The following EPHB2 variants were observed in gnomAD, a reference collection of about 807,000 sequenced individuals.
The protein encoded by EPHB2 is ephrin type-B receptor 2.
A neutral mutation model predicts 96.4 loss-of-function variants in EPHB2; 18 were observed. The ratio of observed to expected loss-of-function variants is 0.19; its 90% CI spans 0.13 to 0.28. The LOEUF is 0.28. Ranked by LOEUF, EPHB2 falls within the 10% of genes least tolerant of loss-of-function variation. The pLI is 1.00. For missense variants in EPHB2, 989 were observed against 1,355.4 expected, an observed-to-expected ratio of 0.73 and a Z score of 4.25; for synonymous variants, 506 against 534.1, an observed-to-expected ratio of 0.95 and a Z score of 0.72.
chr1:22,754,825 TGAGGGGCAGGGGAGGG>T (rs1644118914), intron 1 of EPHB2, among the ~76,000 whole-genome samples: 2 of 104,076 alleles, frequency 1.9e-5, no homozygotes, highest in East Asian at 3.0e-4. Flanking sequence ...GGAAGGGAGG[TGAGGGGCAGGGGAGGG>T]GAGGTGAGGG....
rs1338943807 is a variant in EPHB2 at position 22,915,218 on chromosome 1, C to T, written c.*1648C>T. 1 of 152,214 alleles carries T rather than the reference C, an allele frequency of 6.6e-6. No individual in the cohort carries two copies. Among genetic ancestry groups the T allele is most frequent in the African/African-American group, 2.4e-5 (1 of 41,422 alleles). The allele number at this position is 152,214 out of a possible 1,614,324, so 9.4% of individuals were successfully genotyped here. On this transcript the variant is annotated 3_prime_UTR_variant, in exon 16 of 16. Coordinates refer to ENST00000374630, the MANE Select transcript of EPHB2 (RefSeq NM_017449.5). ...CCTAAAGGTCTTGGCCATGGGGACG[C>T]CCTCAGTCTAGGGATCTGGCCACAG...
chr1:22,722,478 A>G (rs957967839), intron 1 of EPHB2, among the ~76,000 whole-genome samples: 8 of 152,200 alleles, frequency 5.3e-5, no homozygotes, highest in Admixed American at 2.0e-4. Flanking sequence ...TTGAGGTTCA[A>G]TGACTTACTC....
At chr1:22,735,828 G>A (rs1462783119) in intron 1 of EPHB2, among the ~76,000 whole-genome samples, 2 of 152,190 alleles carry the variant, frequency 1.3e-5, no homozygotes, top group Non-Finnish European at 2.9e-5. Flanking sequence ...CCAGAGAGCA[G>A]GACTGAGGGA....
intron 3 of EPHB2, among the ~76,000 whole-genome samples, chr1:22,862,654 A>G (rs1018626187): frequency 1.3e-5 from 2 of 152,166 alleles, no homozygotes; most frequent in African/African-American, 2.4e-5. Flanking sequence ...CCAAGGATCT[A>G]GTTCTAAGAA....
chr1:22,907,963 G>T lies in EPHB2; in HGVS notation c.2147G>T (p.Gly716Val), dbSNP rs1473430443. The T allele has an allele frequency of 6.2e-7, 1 of 1,614,204 alleles. No homozygotes were observed. The highest frequency in any genetic ancestry group is 8.5e-7 in the Non-Finnish European group (1 of 1,180,038). The change falls in exon 12 of 16, where the codon GGG becomes GTG. Residue 716 changes from glycine (G) to valine (V), a missense_variant. Physicochemically the swap from Gly to Val is moderately radical, Grantham distance 109. Transcript: ENST00000374630. ...SLDSFLRQND[G>V]QFTVIQLVGM... is the part of the protein sequence containing the mutation. Reference sequence around the variant, plus strand: ...CCACTTCTCCCAAAGCAAAACGATGGGCAGTTCACAGTCATCCAGCTGGTG... The same window carrying T: ...CCACTTCTCCCAAAGCAAAACGATGTGCAGTTCACAGTCATCCAGCTGGTG...
chr1:22,754,477 T>A (rs1420699755), intron 1 of EPHB2, among the ~76,000 whole-genome samples: 1 of 151,948 alleles, frequency 6.6e-6, no homozygotes, highest in Non-Finnish European at 1.5e-5. Context: ...GTGCTCACTC[T>A]TTGGCTGGGC....
At chr1:22,773,990 A>C (rs1176648992) in intron 1 of EPHB2, among the ~76,000 whole-genome samples, 1 of 152,200 alleles carries the variant, frequency 6.6e-6, no homozygotes, top group Non-Finnish European at 1.5e-5. Flanking sequence ...AAATGGGATA[A>C]TGAGTGCTAA....
Position 22,747,161 on chromosome 1 carries a change from C to T in EPHB2, c.62-34260C>T, listed in dbSNP as rs1420083063. ...CCAGGCAAACAGGGAGAACTGCCTT[C>T]TGCTCAGGGTTCAGTCACCGGACTG... is the stretch of plus-strand genomic sequence containing the variant. On this transcript the variant is annotated intron_variant, in intron 1 of 15. Coordinates refer to ENST00000374630, the MANE Select transcript of EPHB2 (RefSeq NM_017449.5). Among the ~76,000 whole-genome samples, 3 of 152,214 alleles carry T rather than the reference C, an allele frequency of 2.0e-5. No individual in the cohort carries two copies. The South Asian group carries it at 6.2e-4, about 32-fold the overall frequency.
chr1:22,859,246 C>G (rs983772120), intron 3 of EPHB2, among the ~76,000 whole-genome samples: 1 of 131,686 alleles, frequency 7.6e-6, no homozygotes, highest in African/African-American at 3.0e-5. Flanking sequence ...GGAAGGCATT[C>G]TAAGCAATGA....
At chr1:22,789,163 C>G (rs1480292627) in intron 3 of EPHB2, among the ~76,000 whole-genome samples, 1 of 152,134 alleles carries the variant, frequency 6.6e-6, no homozygotes, top group Non-Finnish European at 1.5e-5. Context: ...GGACCTAAGG[C>G]CAAAGAAAGG....
intron 3 of EPHB2, among the ~76,000 whole-genome samples, chr1:22,841,546 G>A (rs1645469046): frequency 6.6e-6 from 1 of 152,202 alleles, no homozygotes; most frequent in Non-Finnish European, 1.5e-5. Flanking sequence ...TCAGGACAGG[G>A]GAATAGAGAT....
At chr1:22,817,952 G>A (rs997452388) in intron 3 of EPHB2, among the ~76,000 whole-genome samples, 1 of 152,192 alleles carries the variant, frequency 6.6e-6, no homozygotes, top group Non-Finnish European at 1.5e-5. Flanking sequence ...TATAAGCTGT[G>A]GAACTGCTGA....
At chr1:22,865,730 TC>T (rs1163181929) in intron 5 of EPHB2, among the ~76,000 whole-genome samples, 3 of 152,174 alleles carry the variant, frequency 2.0e-5, no homozygotes, top group African/African-American at 7.2e-5. Context: ...TTGCATGCAT[TC>T]CACGGGCAGG....
At chr1:22,884,114 G>A (rs920230300) in intron 6 of EPHB2, among the ~76,000 whole-genome samples, 8 of 152,174 alleles carry the variant, frequency 5.3e-5, no homozygotes, top group Admixed American at 3.9e-4. Context: ...CACCGCATGC[G>A]GGCGGAGGGT....
At chr1:22,823,338 A>C (rs1645179000) in intron 3 of EPHB2, among the ~76,000 whole-genome samples, 1 of 152,196 alleles carries the variant, frequency 6.6e-6, no homozygotes, top group African/African-American at 2.4e-5. Context: ...AGTCTGTATT[A>C]TAATGTATAG....
At chr1:22,783,673 A>C (rs1644566858) in intron 2 of EPHB2, among the ~76,000 whole-genome samples, 1 of 152,078 alleles carries the variant, frequency 6.6e-6, no homozygotes, top group South Asian at 2.1e-4. Context: ...TCCTGCCCCA[A>C]CTTTCCACCA....
chr1:22,818,510 A>G (rs1645105202), intron 3 of EPHB2, among the ~76,000 whole-genome samples: 1 of 152,122 alleles, frequency 6.6e-6, no homozygotes, highest in African/African-American at 2.4e-5. Context: ...AAATCTGGTC[A>G]TGGTGTGTAT....
intron 1 of EPHB2, among the ~76,000 whole-genome samples, chr1:22,752,254 T>C (rs916881176): frequency 6.6e-6 from 1 of 152,256 alleles, no homozygotes; most frequent in Admixed American, 6.5e-5. Flanking sequence ...TCCCAGCACT[T>C]TGGGGGGCCA....
At chr1:22,818,417 T>C (rs1040846296) in intron 3 of EPHB2, among the ~76,000 whole-genome samples, 2 of 152,116 alleles carry the variant, frequency 1.3e-5, no homozygotes, top group Non-Finnish European at 2.9e-5. Context: ...ATTTGGGCAG[T>C]GGTCTCCCTG....
Sources: allele counts gnomAD v4.1 joint callset (sites outside exome capture counted in the v4.1 genomes callset), GRCh38; gene constraint gnomAD v4.1.1; transcripts MANE v1.5; gene names NCBI Gene and HGNC (gene_info 2026-07-23, HGNC 2026-07-21).